The following SLC35F4 variants were observed in gnomAD, a reference collection of about 807,000 sequenced individuals.
SLC35F4 encodes solute carrier family 35 member F4, also known as chromosome 14 open reading frame 36.
Under a neutral mutation model 44.2 loss-of-function variants are expected in SLC35F4, and 24 were observed. The observed-to-expected ratio is 0.54, with a 90% CI of 0.39 to 0.76. The LOEUF is 0.76. Ranked by LOEUF, SLC35F4 falls within the 30% of genes least tolerant of loss-of-function variation. SLC35F4 has a pLI of 0.00. For missense variants in SLC35F4, 562 were observed against 586.1 expected (o/e 0.96, Z 0.42); for synonymous variants, 238 against 223.6 (o/e 1.06, Z -0.57).
intron 1 of SLC35F4, among the ~76,000 whole-genome samples, chr14:57,917,475 G>T (rs576583908): frequency 6.6e-6 from 1 of 151,930 alleles, no homozygotes; most frequent in African/African-American, 2.4e-5. Flanking sequence ...CAACATTTCT[G>T]CCATATCTGA....
rs979864048 is a variant in SLC35F4, at chr14:57,645,792, G to A, written c.104-51668C>T. On this transcript the variant is annotated intron_variant, in intron 1 of 7. Transcript: ENST00000556826. ...GATAGCTCCTATTATTTTGAGATACGTCCCATCAGTACCTAATTTATTGAG... is the reference window on the plus strand; with the variant it reads ...GATAGCTCCTATTATTTTGAGATACATCCCATCAGTACCTAATTTATTGAG... Among the ~76,000 whole-genome samples, 47 of 151,366 alleles carry A rather than the reference G, an allele frequency of 3.1e-4. 4 individuals are homozygous for A. The highest frequency in any genetic ancestry group is 4.2e-4 in the South Asian group (2 of 4,802).
intron 1 of SLC35F4, among the ~76,000 whole-genome samples, chr14:57,698,772 G>A (rs1023916273): frequency 3.3e-5 from 5 of 151,816 alleles, no homozygotes; most frequent in African/African-American, 1.2e-4. Context: ...AAAGTAGCTG[G>A]GACCACAGGT....
intron 1 of SLC35F4, among the ~76,000 whole-genome samples, chr14:57,925,162 C>A (rs970062839): frequency 2.6e-5 from 4 of 151,910 alleles, no homozygotes; most frequent in African/African-American, 9.7e-5. Flanking sequence ...GAGGGATTCA[C>A]TCCCATAGGC....
intron 7 of SLC35F4, among the ~76,000 whole-genome samples, chr14:57,565,161 T>G (rs1202640654): frequency 6.6e-6 from 1 of 152,226 alleles, no homozygotes; most frequent in Non-Finnish European, 1.5e-5. Context: ...TTCTCTACCT[T>G]TTTGCTATTG....
intron 1 of SLC35F4, among the ~76,000 whole-genome samples, chr14:57,777,483 T>G (rs1165189712): frequency 6.6e-6 from 1 of 152,120 alleles, no homozygotes; most frequent in African/African-American, 2.4e-5. Context: ...TGCGTGGACA[T>G]GGATGAAGCT....
At chr14:57,974,604 G>T (rs900854237), downstream of SLC35F4, among the ~76,000 whole-genome samples, 1 of 152,096 alleles carries the variant, frequency 6.6e-6, no homozygotes, top group African/African-American at 2.4e-5. Context: ...GGTACTCAGG[G>T]GACAGAGCTT....
chr14:57,660,634 A>C (rs1272797978), intron 1 of SLC35F4, among the ~76,000 whole-genome samples: 1 of 151,884 alleles, frequency 6.6e-6, no homozygotes, highest in Non-Finnish European at 1.5e-5. Flanking sequence ...GGCACTTTTG[A>C]GATTAGCTTA....
rs114593563 is a variant in SLC35F4 at position 57,725,381 on chromosome 14, C to T, written c.104-131257G>A. Among the ~76,000 whole-genome samples the T allele has an allele frequency of 2.4e-3, 368 of 152,258 alleles. 1 individual carries two copies. Among genetic ancestry groups the T allele is most frequent in the African/African-American group, 8.4e-3 (348 of 41,548 alleles). On this transcript the variant is annotated intron_variant, in intron 1 of 7. Coordinates refer to ENST00000556826, the MANE Select transcript of SLC35F4 (RefSeq NM_001306087.2). ...CCTCGGGGTGATCAGACAGCTACCT[C>T]GTGGCAGGTTGATTATACTGGACAT...
At chr14:57,740,233 C>T (rs1028579) in intron 1 of SLC35F4, among the ~76,000 whole-genome samples, 2,504 of 152,228 alleles carry the variant, frequency 0.016, 82 homozygotes, top group African/African-American at 0.058. Flanking sequence ...AAAAAAACCA[C>T]AGAACTCTGT....
At position 57,928,928 on chromosome 14, in the gene SLC35F4, A is replaced by G. The variant is rs956886711; in HGVS notation, n.282+52985T>C. ...CAAAAGCTCCGTGGATGGTTTCAACAGAGGAAAAGAGGAAGCAGAGGAAAT... is the reference window on the plus strand; with the variant it reads ...CAAAAGCTCCGTGGATGGTTTCAACGGAGGAAAAGAGGAAGCAGAGGAAAT... On this transcript the variant is annotated intron_variant and non_coding_transcript_variant, in intron 1 of 1. Coordinates refer to the SLC35F4 transcript ENST00000556568. Among the ~76,000 whole-genome samples the G allele has an allele frequency of 2.9e-4, 44 of 152,256 alleles. 1 individual carries two copies. Among genetic ancestry groups the G allele is most frequent in the Non-Finnish European group, 1.3e-4 (9 of 68,048 alleles).
chr14:57,932,492 C>T (rs1291596281), intron 1 of SLC35F4, among the ~76,000 whole-genome samples: 2 of 152,072 alleles, frequency 1.3e-5, no homozygotes, highest in Non-Finnish European at 2.9e-5. Flanking sequence ...TTGTTAAGTG[C>T]CAGGAGGTGA....
At chr14:57,656,035 C>T (rs2073955984) in intron 1 of SLC35F4, among the ~76,000 whole-genome samples, 2 of 152,018 alleles carry the variant, frequency 1.3e-5, no homozygotes, top group African/African-American at 4.8e-5. Context: ...CTGTCACCCT[C>T]CTGGGCAAGT....
At chr14:57,944,960 C>T (rs1329052580) in intron 1 of SLC35F4, among the ~76,000 whole-genome samples, 1 of 152,206 alleles carries the variant, frequency 6.6e-6, no homozygotes, top group African/African-American at 2.4e-5. Flanking sequence ...TGCCCAGCAT[C>T]TGCCTGCCCA....
rs1406260584 is a variant in SLC35F4 at position 57,564,366 on chromosome 14, G to A, written c.1227C>T (p.Leu409=). Residue 409 remains leucine, a synonymous_variant, in exon 8 of 8, where the codon CTC becomes CTT. Transcript: ENST00000556826. The part of the protein sequence containing the change: ...LSVPGNAAVD[L]LKQEVIFNVV... ...CATTGAATATCACCTCCTGCTTTAG[G>A]AGATCCACAGCTAGGAAAGAAAAAT... The A allele has an allele frequency of 6.2e-7, 1 of 1,605,178 alleles. No homozygotes were observed. The highest frequency in any genetic ancestry group is 8.5e-7 in the Non-Finnish European group (1 of 1,175,640).
intron 6 of SLC35F4, among the ~76,000 whole-genome samples, chr14:57,568,991 C>A (rs1018317614): frequency 1.3e-5 from 2 of 152,244 alleles, no homozygotes; most frequent in South Asian, 4.1e-4. Context: ...CATCAAGTGA[C>A]AGCAGCACAG....
chr14:57,891,980 T>C (rs1566923011), intron 1 of SLC35F4, among the ~76,000 whole-genome samples: 1 of 152,216 alleles, frequency 6.6e-6, no homozygotes, highest in Non-Finnish European at 1.5e-5. Context: ...TTATTTCTCA[T>C]ACATATTGTT....
intron 1 of SLC35F4, among the ~76,000 whole-genome samples, chr14:57,755,453 C>A (rs2140586851): frequency 6.6e-6 from 1 of 152,290 alleles, no homozygotes; most frequent in Non-Finnish European, 1.5e-5. Context: ...GTGGGGTTGA[C>A]AACTGCTTCT....
At chr14:57,732,183 T>A (rs1349209336) in intron 1 of SLC35F4, among the ~76,000 whole-genome samples, 2 of 152,204 alleles carry the variant, frequency 1.3e-5, no homozygotes, top group Non-Finnish European at 2.9e-5. Flanking sequence ...GCTTTATTTT[T>A]TGAAAAATAA....
At chr14:57,978,141 G>T (rs1190577165) in intron 1 of SLC35F4, among the ~76,000 whole-genome samples, 2 of 152,148 alleles carry the variant, frequency 1.3e-5, no homozygotes, top group Admixed American at 6.5e-5. Flanking sequence ...AGAGTTCTCT[G>T]TGGGACCAAA....
Sources: gnomAD v4.1 joint callset for allele counts (sites outside exome capture counted in the v4.1 genomes callset) on GRCh38, gnomAD v4.1.1 for gene constraint, MANE v1.5 for transcripts, NCBI Gene and HGNC (gene_info 2026-07-23, HGNC 2026-07-21) for gene names.